The following PPARGC1A variants were observed in gnomAD, a reference collection of about 807,000 sequenced individuals.
PPARGC1A encodes peroxisome proliferator-activated receptor gamma coactivator 1-alpha.
A neutral mutation model predicts 88.7 loss-of-function variants in PPARGC1A; 25 were observed. That is an observed-to-expected ratio of 0.28 (90% CI 0.21 to 0.39). The LOEUF (loss-of-function observed/expected upper bound fraction) is 0.39, where lower values mean the gene tolerates loss of function less well. PPARGC1A is among the 10% of genes least tolerant of loss of function. The pLI is 1.00. For synonymous variants in PPARGC1A, 363 were observed against 355.6 expected, an observed-to-expected ratio of 1.02 and a Z score of -0.24; for missense variants, 880 against 968.7, an observed-to-expected ratio of 0.91 and a Z score of 1.22.
chr4:24,177,135 A>G, the PPARGC1A span, among the ~76,000 whole-genome samples: 4 of 152,206 alleles, frequency 2.6e-5, no homozygotes, highest in Non-Finnish European at 5.9e-5. Flanking sequence ...CCAAAGGATT[A>G]TAAATCATGC....
At chr4:24,335,696 CAA>C in the PPARGC1A span, among the ~76,000 whole-genome samples, 1 of 152,180 alleles carries the variant, frequency 6.6e-6, no homozygotes, top group South Asian at 2.1e-4. Context: ...TTTAGGAAAA[CAA>C]AGTGTTTGGG....
the PPARGC1A span, among the ~76,000 whole-genome samples, chr4:24,245,925 G>GCGCA: frequency 6.1e-5 from 9 of 148,476 alleles, no homozygotes; most frequent in South Asian, 2.2e-4. Flanking sequence ...AAAGCCATGT[G>GCGCA]CACACACACA....
chr4:24,351,393 CAA>C, the PPARGC1A span, among the ~76,000 whole-genome samples: 29 of 87,092 alleles, frequency 3.3e-4, no homozygotes, highest in East Asian at 7.6e-4. Flanking sequence ...GATCCTGTCT[CAA>C]AAAAAAAAAA....
chr4:24,214,019 T>C, the PPARGC1A span, among the ~76,000 whole-genome samples: 1 of 152,202 alleles, frequency 6.6e-6, no homozygotes, highest in Non-Finnish European at 1.5e-5. Flanking sequence ...CTGAGCGCTG[T>C]AGCGATCAAG....
the PPARGC1A span, among the ~76,000 whole-genome samples, chr4:23,942,580 G>T: frequency 6.6e-6 from 1 of 152,128 alleles, no homozygotes; most frequent in Non-Finnish European, 1.5e-5. Context: ...AATCTGTACA[G>T]CTCTGTGTTC....
intron 12 of PPARGC1A, 34 bp downstream of exon 12, chr4:23,801,696 G>A: frequency 6.2e-7 from 1 of 1,611,356 alleles, no homozygotes. Context: ...TCTACATTAT[G>A]GATTCCTCAT....
At chr4:24,459,446 T>C in the PPARGC1A span, among the ~76,000 whole-genome samples, 2 of 146,288 alleles carry the variant, frequency 1.4e-5, no homozygotes, top group South Asian at 2.2e-4. Context: ...TTATGGATGG[T>C]GTAAATAATG....
intron 11 of PPARGC1A, 66 bp from the exon 12 acceptor site, chr4:23,801,947 T>C: frequency 6.3e-7 from 1 of 1,578,964 alleles, no homozygotes; most frequent in East Asian, 2.3e-5. Flanking sequence ...TGTAACCCTT[T>C]CTACTTTGTG....
the PPARGC1A span, among the ~76,000 whole-genome samples, chr4:23,959,651 C>A: frequency 6.6e-6 from 1 of 152,010 alleles, no homozygotes; most frequent in Non-Finnish European, 1.5e-5. Context: ...CCCTTCTAAA[C>A]CCTCAAGAAG....
the PPARGC1A span, among the ~76,000 whole-genome samples, chr4:24,321,161 G>A: frequency 2.6e-5 from 4 of 152,128 alleles, no homozygotes; most frequent in African/African-American, 7.2e-5. Context: ...TAAATTTGCC[G>A]GTGTCGATTC....
At chr4:24,238,862 C>T in the PPARGC1A span, among the ~76,000 whole-genome samples, 1 of 151,338 alleles carries the variant, frequency 6.6e-6, no homozygotes, top group African/African-American at 2.4e-5. Context: ...TGTGTACCCA[C>T]ATGAACATGC....
At chr4:24,045,340 T>C in the PPARGC1A span, among the ~76,000 whole-genome samples, 1 of 152,196 alleles carries the variant, frequency 6.6e-6, no homozygotes, top group Non-Finnish European at 1.5e-5. Context: ...GAACACTTCT[T>C]GTGTTTGGTA....
intron 2 of PPARGC1A, among the ~76,000 whole-genome samples, chr4:23,865,636 T>C (rs1188928744): frequency 6.6e-6 from 1 of 152,208 alleles, no homozygotes; most frequent in Non-Finnish European, 1.5e-5. Context: ...CCTTGAGGAC[T>C]GAGGCCTTGT....
the PPARGC1A span, among the ~76,000 whole-genome samples, chr4:24,041,218 A>G: frequency 6.6e-6 from 1 of 152,144 alleles, no homozygotes; most frequent in African/African-American, 2.4e-5. Flanking sequence ...GATTAGGTTG[A>G]GATATTGGAA....
the PPARGC1A span, among the ~76,000 whole-genome samples, chr4:23,968,778 G>T: frequency 1.8e-4 from 27 of 152,132 alleles, no homozygotes; most frequent in Non-Finnish European, 2.9e-4. Context: ...AGCTGGGTGT[G>T]GTGGTGGGTG....
the PPARGC1A span, among the ~76,000 whole-genome samples, chr4:24,091,143 T>C: frequency 6.6e-6 from 1 of 152,258 alleles, no homozygotes; most frequent in African/African-American, 2.4e-5. Flanking sequence ...AATGAACTTA[T>C]ACTCACACAA....
At chr4:24,035,206 A>T in the PPARGC1A span, among the ~76,000 whole-genome samples, 2 of 152,296 alleles carry the variant, frequency 1.3e-5, no homozygotes, top group South Asian at 4.1e-4. Context: ...TAAATTAAAT[A>T]TTAATTTTTC....
At chr4:23,944,454 A>G in the PPARGC1A span, among the ~76,000 whole-genome samples, 3 of 152,148 alleles carry the variant, frequency 2.0e-5, no homozygotes, top group African/African-American at 7.2e-5. Flanking sequence ...TCTGTGTAAA[A>G]TCTCCTAACA....
chr4:24,193,243 A>G, the PPARGC1A span, among the ~76,000 whole-genome samples: 4 of 152,348 alleles, frequency 2.6e-5, no homozygotes, highest in Admixed American at 1.3e-4. Context: ...GCAACTCAAC[A>G]ACACATAGCA....
Sources: gnomAD v4.1 joint callset for allele counts (sites outside exome capture counted in the v4.1 genomes callset) on GRCh38, gnomAD v4.1.1 for gene constraint, MANE v1.5 for transcripts, NCBI Gene and HGNC (gene_info 2026-07-23, HGNC 2026-07-21) for gene names.